EML6: variants seen among roughly 807,000 people sequenced by gnomAD.
EML6 encodes the protein EMAP like 6.
In EML6, 154 loss-of-function variants were observed where a neutral mutation model predicts 240.1. That is an observed-to-expected ratio of 0.64 (90% CI 0.56 to 0.73). EML6 has a LOEUF of 0.73. EML6 is among the 30% of genes least tolerant of loss of function. The pLI, the probability that EML6 is intolerant of heterozygous loss-of-function variation, is 0.00. For synonymous variants in EML6, 1,148 were observed against 899.0 expected (o/e 1.28, Z -4.95); for missense variants, 2,964 against 2,474.6 (o/e 1.20, Z -4.20).
intron 28 of EML6, among the ~76,000 whole-genome samples, chr2:54,938,817 T>A (rs568265190): frequency 6.6e-6 from 1 of 152,238 alleles, no homozygotes; most frequent in Non-Finnish European, 1.5e-5. Flanking sequence ...AGTCTGAGAT[T>A]GGCACTGGGG....
intron 13 of EML6, among the ~76,000 whole-genome samples, chr2:54,865,066 A>G (rs918615534): frequency 6.6e-6 from 1 of 152,254 alleles, no homozygotes; most frequent in Admixed American, 6.5e-5. Context: ...TAATGTGGAA[A>G]TATTATGCAA....
At chr2:54,825,674 T>C (rs889097081) in intron 5 of EML6, among the ~76,000 whole-genome samples, 1 of 152,218 alleles carries the variant, frequency 6.6e-6, no homozygotes, top group Non-Finnish European at 1.5e-5. Flanking sequence ...TGGTCCTTCA[T>C]TGTGTATCTG....
Position 54,797,168 on chromosome 2 carries a change from A to AAAAAAAAAAAAAAAAAAAAAC in EML6, c.198-16044_198-16043insCAAAAAAAAAAAAAAAAAAAA, listed in dbSNP as rs1553380355. On this transcript the variant is annotated intron_variant, in intron 2 of 41. Transcript: ENST00000356458. ...TGACAGAGCAAGACTCCATCTCAAA[A>AAAAAAAAAAAAAAAAAAAAAC]AAAAAAAAAAAAAAAAAAAAACTGT... Among the ~76,000 whole-genome samples, 712 of 125,352 alleles carry AAAAAAAAAAAAAAAAAAAAAC rather than the reference A, an allele frequency of 5.7e-3. 26 individuals are homozygous for AAAAAAAAAAAAAAAAAAAAAC. Among genetic ancestry groups the AAAAAAAAAAAAAAAAAAAAAC allele is most frequent in the Non-Finnish European group, 9.8e-3 (542 of 55,026 alleles). 82.2% of individuals were successfully genotyped at this position (125,352 alleles called of 152,430 possible).
At chr2:54,759,384 G>T (rs1406476708) in intron 2 of EML6, among the ~76,000 whole-genome samples, 2 of 151,630 alleles carry the variant, frequency 1.3e-5, no homozygotes, top group Non-Finnish European at 2.9e-5. Flanking sequence ...GTATTTTATG[G>T]TAATACTAGA....
intron 10 of EML6, 45 bp from the exon 11 acceptor site, chr2:54,853,593 TTAGAA>T (rs1327123789): frequency 7.9e-6 from 9 of 1,140,608 alleles, no homozygotes; most frequent in Non-Finnish European, 1.1e-5. Context: ...AAAAAATAAA[TTAGAA>T]TAAACTTTTT....
intron 2 of EML6, among the ~76,000 whole-genome samples, chr2:54,811,432 C>A (rs1334305753): frequency 3.9e-5 from 6 of 152,186 alleles, no homozygotes; most frequent in African/African-American, 1.2e-4. Flanking sequence ...CTCGTGTCTT[C>A]CCTAATGTCC....
intron 15 of EML6, among the ~76,000 whole-genome samples, chr2:54,870,793 G>C (rs983417402): frequency 1.2e-3 from 182 of 152,284 alleles, no homozygotes; most frequent in African/African-American, 4.1e-3. Context: ...ACCTGCAGGA[G>C]ACTGGGCCTC....
chr2:54,933,559 C>T (rs1385126244), intron 28 of EML6, among the ~76,000 whole-genome samples: 1 of 152,024 alleles, frequency 6.6e-6, no homozygotes, highest in Non-Finnish European at 1.5e-5. Context: ...CATGGTGAAA[C>T]CCTGTCTCTC....
intron 2 of EML6, among the ~76,000 whole-genome samples, chr2:54,803,774 G>A (rs1255008787): frequency 6.6e-6 from 1 of 152,118 alleles, no homozygotes; most frequent in Non-Finnish European, 1.5e-5. Context: ...ATACTTCCAG[G>A]ATTTCAGTTT....
intron 2 of EML6, among the ~76,000 whole-genome samples, chr2:54,812,869 A>C (rs1419776821): frequency 6.6e-6 from 1 of 152,200 alleles, no homozygotes; most frequent in Non-Finnish European, 1.5e-5. Flanking sequence ...AAAAAAATTA[A>C]AGTCAAAAGC....
intron 16 of EML6, among the ~76,000 whole-genome samples, chr2:54,876,845 T>G (rs1466353301): frequency 6.6e-6 from 1 of 152,174 alleles, no homozygotes; most frequent in African/African-American, 2.4e-5. Context: ...GGTGATAACA[T>G]TCAAGATCTT....
intron 17 of EML6, among the ~76,000 whole-genome samples, chr2:54,886,482 C>G (rs763571012): frequency 1.3e-5 from 2 of 151,992 alleles, no homozygotes; most frequent in Non-Finnish European, 2.9e-5. Flanking sequence ...TTTCTTTCTT[C>G]TATTATTCAG....
At chr2:54,925,331 C>A (rs1003272021) in intron 26 of EML6, among the ~76,000 whole-genome samples, 1 of 152,202 alleles carries the variant, frequency 6.6e-6, no homozygotes, top group Non-Finnish European at 1.5e-5. Context: ...TAAATTTCTG[C>A]TGTTTAGCTA....
intron 25 of EML6, among the ~76,000 whole-genome samples, chr2:54,915,515 A>G (rs1442031919): frequency 1.3e-5 from 2 of 152,190 alleles, no homozygotes; most frequent in South Asian, 2.1e-4. Context: ...TTCTGGGGGA[A>G]CCACCTTGAG....
intron 17 of EML6, among the ~76,000 whole-genome samples, chr2:54,889,727 T>C (rs561032334): frequency 7.9e-5 from 12 of 152,308 alleles, no homozygotes; most frequent in African/African-American, 2.4e-4. Flanking sequence ...ATATGAATAG[T>C]TTTAGCTCTT....
At chr2:54,948,685 G>T (rs573067293) in intron 28 of EML6, among the ~76,000 whole-genome samples, 197 bp from the exon 29 acceptor site, 8 of 152,318 alleles carry the variant, frequency 5.3e-5, no homozygotes, top group African/African-American at 1.7e-4. Context: ...GCCCAACCCA[G>T]TGCCTGTGAA....
chr2:54,805,154 T>G (rs1387816282), intron 2 of EML6, among the ~76,000 whole-genome samples: 2 of 152,220 alleles, frequency 1.3e-5, no homozygotes, highest in Non-Finnish European at 2.9e-5. Context: ...TAGTTCCATT[T>G]CTGTTTATGG....
Position 54,873,217 on chromosome 2 carries a change from A to G in EML6, c.2344+1612A>G, listed in dbSNP as rs143306625. On this transcript the variant is annotated intron_variant, in intron 16 of 41. Coordinates refer to ENST00000356458, the MANE Select transcript of EML6 (RefSeq NM_001039753.4). Reference sequence around the variant, plus strand: ...GCAGTTTTTAGTTTTTCTAACAGGCATGTTCTCACATACTGTAAATTACTC... The same window carrying G: ...GCAGTTTTTAGTTTTTCTAACAGGCGTGTTCTCACATACTGTAAATTACTC... 2.6e-3 allele frequency among the ~76,000 whole-genome samples: 402 copies of G among 152,332 alleles called. 2 individuals carry two copies. The highest frequency in any genetic ancestry group is 9.1e-3 in the African/African-American group (378 of 41,578).
At chr2:54,884,327 C>T (rs1672005911) in intron 17 of EML6, among the ~76,000 whole-genome samples, 1 of 152,184 alleles carries the variant, frequency 6.6e-6, no homozygotes, top group Non-Finnish European at 1.5e-5. Flanking sequence ...CAGGGATCTC[C>T]TTGTGTTCAG....
Sources: gnomAD v4.1 joint callset for allele counts (sites outside exome capture counted in the v4.1 genomes callset) on GRCh38, gnomAD v4.1.1 for gene constraint, MANE v1.5 for transcripts, NCBI Gene and HGNC (gene_info 2026-07-23, HGNC 2026-07-21) for gene names.